RSPH3: variants seen among roughly 807,000 people sequenced by gnomAD.
The protein encoded by RSPH3 is radial spoke head 3, also known as radial spoke head protein 3 homolog.
A neutral mutation model predicts 43.8 loss-of-function variants in RSPH3; 21 were observed. The observed-to-expected ratio is 0.48, with a 90% CI of 0.34 to 0.69. The LOEUF is 0.69. Among genes scored for constraint, RSPH3 ranks in the 30% least tolerant of loss-of-function variants. The probability of loss-of-function intolerance (pLI) is 0.01; values close to 1 mark genes in which losing one functional copy is unlikely to be tolerated. For synonymous variants in RSPH3, 173 were observed against 179.8 expected (o/e 0.96, Z 0.30); for missense variants, 487 against 516.0 (o/e 0.94, Z 0.54).
In RSPH3 at chr6:159,000,118, C is replaced by CG; in HGVS notation, c.-569dup. 1.2e-6 allele frequency: 1 copy of CG among 866,740 alleles called. No homozygotes were observed. Among genetic ancestry groups the CG allele is most frequent in the Non-Finnish European group, 1.7e-6 (1 of 591,748 alleles). The allele number at this position is 866,740 out of a possible 1,614,324, so 53.7% of individuals were successfully genotyped here. ...TCCTCGGCTGTTTCTCCTGCCGCGG[C>CG]GCAGCAGCGCTCCCAGGCTGCCCCC... On this transcript the variant is annotated 5_prime_UTR_variant, in exon 1 of 8. Coordinates refer to ENST00000367069, the MANE Select transcript of RSPH3 (RefSeq NM_031924.8).
Position 158,977,675 on chromosome 6 carries a change from C to T in RSPH3, c.1120G>A (p.Asp374Asn). The T allele has an allele frequency of 6.2e-7, 1 of 1,614,166 alleles. No homozygotes were observed. Among genetic ancestry groups the T allele is most frequent in the Non-Finnish European group, 8.5e-7 (1 of 1,180,024 alleles). Residue 374 changes from aspartate to asparagine, a missense_variant, in exon 8 of 8, where the codon GAT becomes AAT. Asp to Asn is a conservative substitution (Grantham distance 23, BLOSUM62 1). Coordinates refer to ENST00000367069, the MANE Select transcript of RSPH3 (RefSeq NM_031924.8). ...SMSQTRELLL[D>N]GGYLQRTTYD... ...GTTGTTCTTTGTAGGTAGCCTCCAT[C>T]TAAAAGCAGCTCCCGTGTCTGTGAC... is the stretch of plus-strand genomic sequence containing the variant.
intron 3 of RSPH3, 21 bp from the exon 4 acceptor site, chr6:158,983,828 A>G: frequency 6.4e-7 from 1 of 1,561,340 alleles, no homozygotes; most frequent in Non-Finnish European, 8.8e-7. Flanking sequence ...TATCATATAT[A>G]TCGAGTTTAA....
At chr6:158,997,972 A>G (rs904448127) in intron 1 of RSPH3, among the ~76,000 whole-genome samples, 3 of 147,104 alleles carry the variant, frequency 2.0e-5, no homozygotes, top group African/African-American at 4.9e-5. Flanking sequence ...TTGATGTTCA[A>G]TCATCAGTTT....
In RSPH3 at chr6:158,999,446, G is replaced by A; in HGVS notation, c.105C>T (p.Ser35=). The change falls in exon 1 of 8, where the codon AGC becomes AGT. Residue 35 remains serine (S), a synonymous_variant. Transcript: ENST00000367069. ...LPCQRSRYRD[S]LTQPDEEPMH... is the part of the protein sequence containing the mutation. ...GCTTGGTCACTCACGGCTGCGTCAG[G>A]CTGTCCCGGTAACGGCTGCGCTGGC... is the stretch of plus-strand genomic sequence containing the variant. 1 of 1,509,322 alleles carries A rather than the reference G, an allele frequency of 6.6e-7. No individual in the cohort carries two copies. 93.5% of individuals were successfully genotyped at this position (1,509,322 alleles called of 1,614,324 possible).
chr6:158,999,607 C>A lies in RSPH3; in HGVS notation c.-57G>T. 2 of 1,612,542 alleles carry A rather than the reference C, an allele frequency of 1.2e-6. No homozygotes were observed. Among genetic ancestry groups the A allele is most frequent in the Non-Finnish European group, 1.7e-6 (2 of 1,178,904 alleles). On this transcript the variant is annotated 5_prime_UTR_variant, in exon 1 of 8. Coordinates refer to ENST00000367069, the MANE Select transcript of RSPH3 (RefSeq NM_031924.8). ...AGCTTGGCTTTGAAGCAGGTGGGCG[C>A]TAAGGTGTTGTGGGACCCGGAGAGA... is the stretch of plus-strand genomic sequence containing the variant.
chr6:158,981,532 CATAAT>C (rs1190409751), intron 5 of RSPH3, among the ~76,000 whole-genome samples: 1 of 151,820 alleles, frequency 6.6e-6, no homozygotes, highest in East Asian at 2.0e-4. Context: ...TCCAGTTTTC[CATAAT>C]ATGTTTCCAA....
At position 158,999,598 on chromosome 6, in the gene RSPH3, A is replaced by T. The variant is rs151230376; in HGVS notation, c.-48T>A. ...TTTCGGTGGAGCTTGGCTTTGAAGC[A>T]GGTGGGCGCTAAGGTGTTGTGGGAC... On this transcript the variant is annotated 5_prime_UTR_variant, in exon 1 of 8. Coordinates refer to ENST00000367069, the MANE Select transcript of RSPH3 (RefSeq NM_031924.8). 280 of 1,610,638 alleles carry T rather than the reference A, an allele frequency of 1.7e-4. No individual in the cohort carries two copies. Among genetic ancestry groups the T allele is most frequent in the Middle Eastern group, 8.3e-4 (5 of 6,054 alleles).
downstream of RSPH3, among the ~76,000 whole-genome samples, chr6:158,970,750 A>G (rs1040933404): frequency 3.3e-5 from 5 of 152,038 alleles, no homozygotes; most frequent in East Asian, 1.9e-4. Context: ...ATGGGATTTC[A>G]TCATGTTGGC....
rs1777878551 is a variant in RSPH3, at chr6:158,977,406, C to T, written c.*132G>A. The T allele has an allele frequency of 4.1e-6, 3 of 725,572 alleles. No homozygotes were observed. The East Asian group carries it at 7.5e-5, about 18-fold the overall frequency. 44.9% of individuals were successfully genotyped at this position (725,572 alleles called of 1,614,324 possible). A position where few individuals can be genotyped will look rare whatever the true frequency, so the allele number is the denominator to read the frequency against. ...TTAATTTTATCACATTTGATTGGCC[C>T]AGTCCATTACACAAAAAGACATACT... is the stretch of plus-strand genomic sequence containing the variant. On this transcript the variant is annotated 3_prime_UTR_variant, in exon 8 of 8. Coordinates refer to ENST00000367069, the MANE Select transcript of RSPH3 (RefSeq NM_031924.8).
intron 1 of RSPH3, among the ~76,000 whole-genome samples, chr6:158,997,068 C>A (rs1251775259): frequency 6.6e-6 from 1 of 152,124 alleles, no homozygotes; most frequent in Non-Finnish European, 1.5e-5. Context: ...TCCCACGGAT[C>A]TGCTTCCCCT....
chr6:158,968,679 T>C (rs973745128), downstream of RSPH3, among the ~76,000 whole-genome samples: 1 of 152,208 alleles, frequency 6.6e-6, no homozygotes, highest in African/African-American at 2.4e-5. Flanking sequence ...TATTATTCTG[T>C]TCCTTCTCCT....
rs111724048 is a variant in RSPH3, at chr6:158,988,733, G to T, written c.205-2312C>A. Among the ~76,000 whole-genome samples the T allele has an allele frequency of 2.8e-4, 42 of 152,078 alleles. No homozygotes were observed. In the East Asian group the frequency reaches 7.8e-3, roughly 28 times the overall value. On this transcript the variant is annotated intron_variant, in intron 2 of 7. Coordinates refer to ENST00000367069, the MANE Select transcript of RSPH3 (RefSeq NM_031924.8). The stretch of plus-strand genomic sequence containing the variant: ...TTACTCAGCTCCAAGATTTCTGCTT[G>T]ATTTTTAAAAATTATTTCAATCTCT...
Position 158,977,212 on chromosome 6 carries a change from T to TA in RSPH3, c.*325dup, listed in dbSNP as rs199556331. 4,259 of 254,846 alleles carry TA rather than the reference T, an allele frequency of 0.017. 51 individuals are homozygous for TA. The highest frequency in any genetic ancestry group is 0.028 in the Middle Eastern group (20 of 724). 15.8% of individuals were successfully genotyped at this position (254,846 alleles called of 1,614,324 possible). ...ATTGAACATTAAATATCATACTTACTAAAAAAAACTAACCCGCAAAATTAG... is the reference window on the plus strand; with the variant it reads ...ATTGAACATTAAATATCATACTTACTAAAAAAAAACTAACCCGCAAAATTAG... On this transcript the variant is annotated 3_prime_UTR_variant, in exon 8 of 8. Coordinates refer to ENST00000367069, the MANE Select transcript of RSPH3 (RefSeq NM_031924.8).
rs781459954 is a variant in RSPH3 at position 158,980,944 on chromosome 6, GA to G, written c.697-9del. ...CTGTTTCTTACGCCGTTCCTGCCAA[GA>G]ACGACAGAGGTGGTTATTTAGCTCT... On this transcript the variant is annotated splice_polypyrimidine_tract_variant and intron_variant, in intron 5 of 7. Transcript: ENST00000367069. 2.6e-5 allele frequency: 42 copies of G among 1,613,560 alleles called. No homozygotes were observed. In the African/African-American group the frequency reaches 5.5e-4, roughly 21 times the overall value.
chr6:158,971,493 G>T (rs888444697), downstream of RSPH3, among the ~76,000 whole-genome samples: 2 of 152,090 alleles, frequency 1.3e-5, no homozygotes, highest in African/African-American at 4.8e-5. Flanking sequence ...ATGTAGTCAG[G>T]ACATGCTGAA....
At chr6:158,966,672 T>C in the RSPH3 span, among the ~76,000 whole-genome samples, 1 of 152,148 alleles carries the variant, frequency 6.6e-6, no homozygotes, top group African/African-American at 2.4e-5. Context: ...TATCATTTCC[T>C]TCATTCCTAA....
chr6:158,967,298 T>C, the RSPH3 span, among the ~76,000 whole-genome samples: 1 of 152,174 alleles, frequency 6.6e-6, no homozygotes, highest in African/African-American at 2.4e-5. Flanking sequence ...ATCTGGCCTA[T>C]TTCTGTTTCT....
rs758869389 is a variant in RSPH3, at chr6:158,982,533, A to G, written c.648T>C (p.Ala216=). ...EYEELRNSER[A]EVQRLEEQER... ...CTTGCTCTTCAAGTCGTTGAACTTC[A>G]GCACGTTCACTATTCCGTAGTTCTT... Residue 216 remains alanine (A), a synonymous_variant, in exon 5 of 8, where the codon GCT becomes GCC. Coordinates refer to ENST00000367069, the MANE Select transcript of RSPH3 (RefSeq NM_031924.8). 4.4e-5 allele frequency: 71 copies of G among 1,612,854 alleles called. 3 individuals carry two copies. The Middle Eastern group carries it at 1.2e-3, about 26-fold the overall frequency.
At chr6:158,997,200 A>G (rs776094560) in intron 1 of RSPH3, among the ~76,000 whole-genome samples, 4 of 151,750 alleles carry the variant, frequency 2.6e-5, no homozygotes, top group Non-Finnish European at 5.9e-5. Flanking sequence ...AGATCTCTTT[A>G]TAGACTATCC....
Sources: allele counts gnomAD v4.1 joint callset (sites outside exome capture counted in the v4.1 genomes callset), GRCh38; gene constraint gnomAD v4.1.1; transcripts MANE v1.5; gene names NCBI Gene and HGNC (gene_info 2026-07-23, HGNC 2026-07-21).